Variants in TARBP1 observed in about 807,000 individuals in gnomAD.
The protein encoded by TARBP1 is tRNA (guanosine(18)-2'-O)-methyltransferase TARBP1.
TARBP1 carries 144 observed loss-of-function variants against 178.6 expected under a neutral mutation model. The observed-to-expected ratio is 0.81, with a 90% CI of 0.70 to 0.93. The LOEUF is 0.93. Ranked by LOEUF, TARBP1 falls within the 40% of genes least tolerant of loss-of-function variation. The probability of loss-of-function intolerance (pLI) is 0.00; values close to 1 mark genes in which losing one functional copy is unlikely to be tolerated. For missense variants in TARBP1, 2,067 were observed against 2,011.7 expected (o/e 1.03, Z -0.53); for synonymous variants, 787 against 781.0 (o/e 1.01, Z -0.13).
chr1:234,411,991 T>C (rs1661873977), intron 22 of TARBP1, among the ~76,000 whole-genome samples: 1 of 152,236 alleles, frequency 6.6e-6, no homozygotes. Context: ...TAGAAACAAG[T>C]TCCTGTAACT....
chr1:234,466,248 C>A (rs112465388), intron 4 of TARBP1, among the ~76,000 whole-genome samples: 13,393 of 152,130 alleles, frequency 0.088, 1,000 homozygotes, highest in East Asian at 0.28. Context: ...GCAGTGGCTC[C>A]CACCTATAAT....
intron 1 of TARBP1, among the ~76,000 whole-genome samples, chr1:234,474,892 G>C (rs1040501995): frequency 5.3e-5 from 8 of 152,156 alleles, no homozygotes; most frequent in African/African-American, 1.7e-4. Flanking sequence ...TGGGTGGGGG[G>C]AGCATCAGAA....
intron 25 of TARBP1, among the ~76,000 whole-genome samples, chr1:234,399,689 G>A (rs1660481104): frequency 6.6e-6 from 1 of 152,048 alleles, no homozygotes; most frequent in African/African-American, 2.4e-5. Context: ...TATACACCAT[G>A]GAATACTATG....
intron 22 of TARBP1, among the ~76,000 whole-genome samples, chr1:234,412,582 T>A (rs1328440536): frequency 1.3e-5 from 2 of 152,072 alleles, no homozygotes; most frequent in East Asian, 3.9e-4. Flanking sequence ...GGCAGGAGGA[T>A]CATTTGAGCC....
Position 234,418,107 on chromosome 1 carries a change from T to A in TARBP1, c.3682A>T (p.Lys1228Ter). ...ACATAAGAAAAACAATCCCAGAACT[T>A]TGGAAGAAATTGAGGGAATTTATGA... ...ILHKFPQFLP[K>*]FWDCFSYGEE... The change falls in exon 22 of 30, where the codon AAG becomes TAG. Residue 1228 changes from lysine to a stop codon, truncating the protein, a stop_gained. Transcript: ENST00000040877. LOFTEE classifies it high-confidence loss of function. 7.0e-7 allele frequency: 1 copy of A among 1,424,538 alleles called. No individual in the cohort carries two copies. Among genetic ancestry groups the A allele is most frequent in the South Asian group, 1.5e-5 (1 of 68,128 alleles). The allele number at this position is 1,424,538 out of a possible 1,614,324, so 88.2% of individuals were successfully genotyped here. A position where few individuals can be genotyped will look rare whatever the true frequency, so the allele number is the denominator to read the frequency against.
At chr1:234,431,809 T>C (rs1664456029) in intron 14 of TARBP1, among the ~76,000 whole-genome samples, 1 of 152,222 alleles carries the variant, frequency 6.6e-6, no homozygotes, top group Admixed American at 6.5e-5. Context: ...CCAAAGCCTG[T>C]GCTCTTCATT....
At chr1:234,411,162 CA>C (rs113228922) in intron 22 of TARBP1, among the ~76,000 whole-genome samples, 19,236 of 152,054 alleles carry the variant, frequency 0.13, 1,383 homozygotes, top group Non-Finnish European at 0.17. Flanking sequence ...AAATATTTAA[CA>C]AAAAATTTTT....
chr1:234,452,613 G>A (rs1407615874), intron 9 of TARBP1, among the ~76,000 whole-genome samples: 1 of 152,136 alleles, frequency 6.6e-6, no homozygotes, highest in Admixed American at 6.6e-5. Flanking sequence ...ATTCTTTGCT[G>A]GTAGGAATGC....
chr1:234,450,889 T>C (rs1008661639), intron 9 of TARBP1, among the ~76,000 whole-genome samples: 2 of 152,142 alleles, frequency 1.3e-5, no homozygotes, highest in Non-Finnish European at 2.9e-5. Context: ...GAATTTCTAA[T>C]GTACCTTATA....
chr1:234,444,198 T>C (rs1301645001), intron 12 of TARBP1, among the ~76,000 whole-genome samples: 1 of 150,214 alleles, frequency 6.7e-6, no homozygotes, highest in Non-Finnish European at 1.5e-5. Context: ...AGACAAGAGA[T>C]TACTCCCACA....
rs1348927163 is a variant in TARBP1 at position 234,429,127 on chromosome 1, G to T, written c.3060+9C>A. On this transcript the variant is annotated intron_variant, in intron 17 of 29. Coordinates refer to ENST00000040877, the MANE Select transcript of TARBP1 (RefSeq NM_005646.4). ...AAAAGAAAAGCAAAAAGAAAAGAAA[G>T]TTAGTTACCTCTTTTATTTTGAAAT... The T allele has an allele frequency of 1.9e-6, 3 of 1,555,408 alleles. No homozygotes were observed. The highest frequency in any genetic ancestry group is 2.6e-6 in the Non-Finnish European group (3 of 1,159,734).
intron 17 of TARBP1, 64 bp downstream of exon 17, chr1:234,429,072 G>A (rs1664103858): frequency 1.4e-6 from 2 of 1,412,144 alleles, no homozygotes; most frequent in African/African-American, 1.5e-5. Flanking sequence ...CAACTCTCAT[G>A]TTCCTCATGT....
At chr1:234,424,325 T>C (rs1325221439) in intron 20 of TARBP1, among the ~76,000 whole-genome samples, 3 of 152,204 alleles carry the variant, frequency 2.0e-5, no homozygotes, top group Non-Finnish European at 4.4e-5. Context: ...ATCTAACTTG[T>C]CTCCAGATTT....
chr1:234,444,059 C>T (rs1251922673), intron 12 of TARBP1, among the ~76,000 whole-genome samples: 3 of 152,254 alleles, frequency 2.0e-5, no homozygotes, highest in Non-Finnish European at 4.4e-5. Flanking sequence ...ACAGTGTGAA[C>T]GTACTTTCTA....
chr1:234,425,268 G>A (rs1016716859), intron 20 of TARBP1, among the ~76,000 whole-genome samples: 16 of 152,116 alleles, frequency 1.1e-4, no homozygotes, highest in Admixed American at 5.9e-4. Context: ...AAACACAACC[G>A]GGTTTGACTG....
Position 234,478,710 on chromosome 1 carries a change from A to C in TARBP1, c.394T>G (p.Trp132Gly). 18 of 1,168,188 alleles carry C rather than the reference A, an allele frequency of 1.5e-5. No homozygotes were observed. Among genetic ancestry groups the C allele is most frequent in the Non-Finnish European group, 1.9e-5 (18 of 950,592 alleles). The allele number at this position is 1,168,188 out of a possible 1,614,324, so 72.4% of individuals were successfully genotyped here. A position where few individuals can be genotyped will look rare whatever the true frequency, so the allele number is the denominator to read the frequency against. Reference sequence around the variant, plus strand: ...GCAGCCTCGGCGCCAGGCGCGCGCCACCCGGCGAGCAGATCGCGCAGCGCC... The same window carrying C: ...GCAGCCTCGGCGCCAGGCGCGCGCCCCCCGGCGAGCAGATCGCGCAGCGCC... ...EEALRDLLAGWRAPGAEAAVE... is the reference protein window; with the variant it reads ...EEALRDLLAGGRAPGAEAAVE... Residue 132 changes from tryptophan (W) to glycine (G), a missense_variant, in exon 1 of 30, where the codon TGG (tryptophan) becomes GGG (glycine). Physicochemically the swap from Trp to Gly is radical, Grantham distance 184. Coordinates refer to ENST00000040877, the MANE Select transcript of TARBP1 (RefSeq NM_005646.4).
intron 18 of TARBP1, 44 bp downstream of exon 18, chr1:234,427,532 A>T: frequency 6.5e-7 from 1 of 1,543,538 alleles, no homozygotes; most frequent in Non-Finnish European, 8.7e-7. Flanking sequence ...CCAAGTAGGC[A>T]CTTAATACAA....
intron 23 of TARBP1, chr1:234,407,431 G>A (rs1001671418): frequency 9.3e-5 from 14 of 149,862 alleles, no homozygotes; most frequent in African/African-American, 3.2e-4. Context: ...TCTGCCTCCC[G>A]GGTTCAAGTG....
At chr1:234,429,782 G>C in intron 15 of TARBP1, 105 bp from the exon 16 acceptor site, 1 of 1,252,002 alleles carries the variant, frequency 8.0e-7, no homozygotes. Flanking sequence ...GGGGGGCAGT[G>C]TACAGATATA....
Sources: gnomAD v4.1 joint callset for allele counts (sites outside exome capture counted in the v4.1 genomes callset) on GRCh38, gnomAD v4.1.1 for gene constraint, MANE v1.5 for transcripts, NCBI Gene and HGNC (gene_info 2026-07-23, HGNC 2026-07-21) for gene names.